TMEM143: variants seen among roughly 807,000 people sequenced by gnomAD.
TMEM143 encodes the protein transmembrane protein 143.
Under a neutral mutation model 40.3 loss-of-function variants are expected in TMEM143, and 45 were observed. The ratio of observed to expected loss-of-function variants is 1.12; its 90% confidence interval spans 0.88 to 1.43. The LOEUF is 1.43. TMEM143 is among the 40% of genes most tolerant of loss of function. The pLI is 0.00. For missense variants in TMEM143, 620 were observed against 613.4 expected (o/e 1.01, Z -0.11); for synonymous variants, 299 against 282.7 (o/e 1.06, Z -0.58).
Position 48,360,129 on chromosome 19 carries a change from C to G in TMEM143, c.312G>C (p.Ser104=), listed in dbSNP as rs438767. ...PAEKAALEAF[S]AHVDFCTLFH... is the part of the protein sequence containing the mutation. ...ACAGGGTGCAGAAGTCCACGTGGGCCGAGAACGCCTCCAAAGCCGCCTTCT... is the reference window on the plus strand; with the variant it reads ...ACAGGGTGCAGAAGTCCACGTGGGCGGAGAACGCCTCCAAAGCCGCCTTCT... Residue 104 remains serine, a synonymous_variant, in exon 3 of 8, where the codon TCG becomes TCC. Transcript: ENST00000293261. 1.2e-6 allele frequency: 2 copies of G among 1,613,822 alleles called. No individual in the cohort carries two copies. Among genetic ancestry groups the G allele is most frequent in the Non-Finnish European group, 1.7e-6 (2 of 1,179,954 alleles).
chr19:48,339,513 G>C (rs1969442812), intron 6 of TMEM143, among the ~76,000 whole-genome samples: 1 of 152,156 alleles, frequency 6.6e-6, no homozygotes, highest in African/African-American at 2.4e-5. Flanking sequence ...GTGAGATGGG[G>C]AACTTGAGAG....
At chr19:48,357,246 C>T (rs1051968171) in intron 3 of TMEM143, among the ~76,000 whole-genome samples, 6 of 151,814 alleles carry the variant, frequency 4.0e-5, no homozygotes, top group South Asian at 2.1e-4. Context: ...CGTGAGTCAC[C>T]GCGCCCGGCA....
At chr19:48,339,026 G>A (rs1250500510) in intron 6 of TMEM143, among the ~76,000 whole-genome samples, 5 of 152,176 alleles carry the variant, frequency 3.3e-5, no homozygotes, top group Non-Finnish European at 5.9e-5. Flanking sequence ...CTGAGGCGCA[G>A]ATTCGAGGGG....
chr19:48,345,342 G>C lies in TMEM143; in HGVS notation c.382C>G (p.Pro128Ala). ...ILARLQALYD[P>A]INPDRETLDQ... ...AGGGTCTCCCTGTCAGGGTTGATGG[G>C]GTCATATAAGGCCTAAGAGGAGAGT... The change falls in exon 4 of 8, where the codon CCC becomes GCC. Residue 128 changes from proline to alanine, a missense_variant. Physicochemically the swap from Pro to Ala is conservative, Grantham distance 27. Coordinates refer to ENST00000293261, the MANE Select transcript of TMEM143 (RefSeq NM_018273.4). 1 of 1,564,222 alleles carries C rather than the reference G, an allele frequency of 6.4e-7. No individual in the cohort carries two copies. The highest frequency in any genetic ancestry group is 1.2e-5 in the South Asian group (1 of 81,912).
intron 6 of TMEM143, among the ~76,000 whole-genome samples, chr19:48,340,121 A>ATTTTTTTTT (rs11369636): frequency 5.1e-5 from 5 of 98,572 alleles, no homozygotes; most frequent in Admixed American, 1.3e-4. Flanking sequence ...GTCAACTGGG[A>ATTTTTTTTT]TTTTTTTTTT....
intron 1 of TMEM143, 136 bp downstream of exon 1, chr19:48,363,762 C>T: frequency 6.7e-7 from 1 of 1,488,968 alleles, no homozygotes. Context: ...GCCCAGAGAC[C>T]CTGTAGTGGT....
intron 6 of TMEM143, among the ~76,000 whole-genome samples, chr19:48,334,475 TTTC>T (rs1555885594): frequency 5.0e-5 from 3 of 60,206 alleles, no homozygotes; most frequent in Admixed American, 3.8e-4. Flanking sequence ...TCTTTCTTTC[TTTC>T]TTTTTCTTTC....
At chr19:48,356,535 A>T (rs1969903084) in intron 3 of TMEM143, among the ~76,000 whole-genome samples, 1 of 145,124 alleles carries the variant, frequency 6.9e-6, no homozygotes, top group African/African-American at 2.6e-5. Flanking sequence ...GGTTCAAGCG[A>T]TCTCCTGCCT....
At position 48,351,514 on chromosome 19, in the gene TMEM143, C is replaced by T. The variant is rs774895020; in HGVS notation, c.370-6160G>A. ...TGCTTAGAACACTCTGCTTAGCCACCGACCCACTCAGTCAAAGCAAAGTCC... is the reference window on the plus strand; with the variant it reads ...TGCTTAGAACACTCTGCTTAGCCACTGACCCACTCAGTCAAAGCAAAGTCC... On this transcript the variant is annotated intron_variant, in intron 3 of 7. Coordinates refer to ENST00000293261, the MANE Select transcript of TMEM143 (RefSeq NM_018273.4). Among the ~76,000 whole-genome samples, 18 of 152,142 alleles carry T rather than the reference C, an allele frequency of 1.2e-4. 1 individual carries two copies. The highest frequency in any genetic ancestry group is 1.2e-3 in the Admixed American group (18 of 15,262).
chr19:48,356,703 T>C (rs1272085855), intron 3 of TMEM143, among the ~76,000 whole-genome samples: 2 of 150,086 alleles, frequency 1.3e-5, no homozygotes, highest in South Asian at 2.1e-4. Context: ...GTTCAAGCAA[T>C]TCTCCTGCCT....
At chr19:48,336,794 G>T (rs1969380112) in intron 6 of TMEM143, among the ~76,000 whole-genome samples, 1 of 151,844 alleles carries the variant, frequency 6.6e-6, no homozygotes, top group Admixed American at 6.6e-5. Context: ...AGAAGATCAA[G>T]ACCACGAGGT....
chr19:48,344,292 G>GT (rs953460942), intron 4 of TMEM143, among the ~76,000 whole-genome samples: 4 of 146,854 alleles, frequency 2.7e-5, no homozygotes, highest in Admixed American at 2.0e-4. Context: ...GTTTTGTTTT[G>GT]TTTTTTTGAG....
In TMEM143 at chr19:48,332,430, G is replaced by C. The variant is rs1969233402; in HGVS notation, c.*789C>G. On this transcript the variant is annotated 3_prime_UTR_variant, in exon 8 of 8. Transcript: ENST00000293261. ...TTGATAGACCAATAAATATTGCACA[G>C]GCTGCTGGTGGTGGGGAGATCCAGA... 1 of 152,222 alleles carries C rather than the reference G, an allele frequency of 6.6e-6. No homozygotes were observed. Among genetic ancestry groups the C allele is most frequent in the Non-Finnish European group, 1.5e-5 (1 of 68,048 alleles). The allele number at this position is 152,222 out of a possible 1,614,324, so 9.4% of individuals were successfully genotyped here. A position where few individuals can be genotyped will look rare whatever the true frequency, so the allele number is the denominator to read the frequency against.
In TMEM143 at chr19:48,342,781, C is replaced by A. The variant is rs780263437; in HGVS notation, c.724G>T (p.Ala242Ser). 11 of 1,608,256 alleles carry A rather than the reference C, an allele frequency of 6.8e-6. No individual in the cohort carries two copies. Among genetic ancestry groups the A allele is most frequent in the African/African-American group, 5.3e-5 (4 of 74,832 alleles). ...ACCAGGTGTCCCCGTTTGGTCCGGG[C>A]TGCCAGGACCACCCGCTTAAAGTAT... ...RRYFKRVVLA[A>S]RTKRGHLVLK... The change falls in exon 6 of 8, where the codon GCC becomes TCC. Residue 242 changes from alanine to serine, a missense_variant. Ala to Ser is a moderately conservative substitution (Grantham distance 99). Transcript: ENST00000293261.
intron 5 of TMEM143, 35 bp downstream of exon 5, chr19:48,343,286 C>T (rs1969547896): frequency 1.2e-6 from 2 of 1,601,418 alleles, no homozygotes; most frequent in South Asian, 2.2e-5. Context: ...ACCTTGCTCC[C>T]TCTTGCTGCA....
rs762686739 is a variant in TMEM143, at chr19:48,342,749, C to T, written c.756G>A (p.Lys252=). ...CTTCCAGCGGCGTGTCCTTGAAACT[C>T]TTCAGTACCAGGTGTCCCCGTTTGG... ...ARTKRGHLVL[K]SFKDTPLEGL... Residue 252 remains lysine, a synonymous_variant, in exon 6 of 8, where the codon AAG becomes AAA. Coordinates refer to ENST00000293261, the MANE Select transcript of TMEM143 (RefSeq NM_018273.4). 1.2e-6 allele frequency: 2 copies of T among 1,613,834 alleles called. No individual in the cohort carries two copies. Among genetic ancestry groups the T allele is most frequent in the Admixed American group, 3.3e-5 (2 of 60,004 alleles).
intron 6 of TMEM143, among the ~76,000 whole-genome samples, chr19:48,339,308 G>A (rs1969438473): frequency 6.6e-6 from 1 of 152,204 alleles, no homozygotes; most frequent in African/African-American, 2.4e-5. Flanking sequence ...TACAGTGAGA[G>A]TGAGGGCCCC....
intron 3 of TMEM143, among the ~76,000 whole-genome samples, chr19:48,356,398 T>A (rs2147383339): frequency 6.6e-6 from 1 of 150,804 alleles, no homozygotes; most frequent in Middle Eastern, 3.5e-3. Context: ...AGTGCTGGGA[T>A]TACAGGCGTG....
At chr19:48,354,018 G>A (rs1394845408) in intron 3 of TMEM143, among the ~76,000 whole-genome samples, 1 of 151,864 alleles carries the variant, frequency 6.6e-6, no homozygotes, top group African/African-American at 2.4e-5. Flanking sequence ...GAGTGCAGTG[G>A]TGCGATCTTG....
Sources: allele counts gnomAD v4.1 joint callset (sites outside exome capture counted in the v4.1 genomes callset), GRCh38; gene constraint gnomAD v4.1.1; transcripts MANE v1.5; gene names NCBI Gene and HGNC (gene_info 2026-07-23, HGNC 2026-07-21).